Variants in SERPINE2 observed in about 807,000 individuals in gnomAD.
The protein encoded by SERPINE2 is serpin family E member 2.
Under a neutral mutation model 36.3 loss-of-function variants are expected in SERPINE2, and 14 were observed. The observed-to-expected ratio is 0.39, with a 90% confidence interval of 0.25 to 0.60. The LOEUF (loss-of-function observed/expected upper bound fraction) is 0.60. Ranked by LOEUF, SERPINE2 falls within the 20% of genes least tolerant of loss-of-function variation. The pLI is 0.57. For missense variants in SERPINE2, 418 were observed against 499.6 expected, an observed-to-expected ratio of 0.84 and a Z score of 1.56; for synonymous variants, 192 against 191.8, an observed-to-expected ratio of 1.00 and a Z score of -0.01.
intron 1 of SERPINE2, among the ~76,000 whole-genome samples, chr2:224,005,239 A>G (rs1691380307): frequency 6.6e-6 from 1 of 151,688 alleles, no homozygotes; most frequent in Non-Finnish European, 1.5e-5. Context: ...TTTTCGCTAA[A>G]AGAACAGTTT....
At chr2:223,982,305 T>C (rs1690252339) in intron 6 of SERPINE2, 1 of 161,292 alleles carries the variant, frequency 6.2e-6, no homozygotes, top group South Asian at 1.7e-4. Flanking sequence ...TATAATGGAT[T>C]ATGGAGACTC....
At chr2:224,020,178 T>C (rs149262522) in intron 1 of SERPINE2, among the ~76,000 whole-genome samples, 26 of 152,296 alleles carry the variant, frequency 1.7e-4, no homozygotes, top group African/African-American at 5.8e-4. Context: ...AAATCCCTAG[T>C]AATATTTATG....
intron 2 of SERPINE2, among the ~76,000 whole-genome samples, chr2:224,001,379 G>C (rs1014641886): frequency 6.6e-6 from 1 of 152,210 alleles, no homozygotes; most frequent in Non-Finnish European, 1.5e-5. Flanking sequence ...TGGAACGAGG[G>C]CTGGAGCCCT....
At chr2:224,000,696 C>G (rs1171905103) in intron 2 of SERPINE2, among the ~76,000 whole-genome samples, 1 of 152,072 alleles carries the variant, frequency 6.6e-6, no homozygotes, top group Non-Finnish European at 1.5e-5. Flanking sequence ...TGCCTTCCAC[C>G]CCTCGACAGG....
In SERPINE2 at chr2:224,031,310, C is replaced by T. The variant is rs115509060; in HGVS notation, c.-23+7789G>A. 6.4e-4 allele frequency: 633 copies of T among 985,432 alleles called. 2 individuals are homozygous for T. Among genetic ancestry groups the T allele is most frequent in the African/African-American group, 4.3e-3 (248 of 57,350 alleles). The allele number at this position is 985,432 out of a possible 1,614,324, so 61.0% of individuals were successfully genotyped here. On this transcript the variant is annotated intron_variant, in intron 1 of 8. Transcript: ENST00000409304. ...GACCCTTTATCTCTGCCACACCCTT[C>T]CTTCCCAACTACATGAGTGGGAATG...
chr2:224,005,054 T>TATTA (rs1463665813), intron 1 of SERPINE2, among the ~76,000 whole-genome samples: 1 of 25,848 alleles, frequency 3.9e-5, no homozygotes, highest in Non-Finnish European at 8.8e-5. Context: ...ATTTTATATA[T>TATTA]TTTATATATA....
chr2:224,026,884 T>A (rs1167231296), intron 1 of SERPINE2, among the ~76,000 whole-genome samples: 3 of 152,198 alleles, frequency 2.0e-5, no homozygotes, highest in Non-Finnish European at 4.4e-5. Context: ...CTCTCCTCTG[T>A]GAAGGAGTTA....
At chr2:223,998,370 A>G (rs1170168306) in intron 2 of SERPINE2, 28 bp from the exon 3 acceptor site, 4 of 1,540,958 alleles carry the variant, frequency 2.6e-6, no homozygotes, top group South Asian at 1.1e-5. Context: ...AGATACAGCA[A>G]TACTTCCATA....
At chr2:224,034,554 G>A (rs1397932062) in intron 1 of SERPINE2, among the ~76,000 whole-genome samples, 1 of 152,184 alleles carries the variant, frequency 6.6e-6, no homozygotes, top group South Asian at 2.1e-4. Context: ...AGCCCATGGA[G>A]CACTGTGGAA....
In SERPINE2 at chr2:224,011,335, G is replaced by A. The variant is rs1043719561; in HGVS notation, c.-22-9413C>T. Among the ~76,000 whole-genome samples, 5 of 152,148 alleles carry A rather than the reference G, an allele frequency of 3.3e-5. 1 individual carries two copies. The South Asian group carries it at 8.3e-4, about 25-fold the overall frequency. ...AAGAGACATGGAAGTACCTTTTTTA[G>A]ACATAAAAAATATTACACATAGTTC... On this transcript the variant is annotated intron_variant, in intron 1 of 8. Transcript: ENST00000409304.
intron 4 of SERPINE2, 70 bp from the exon 5 acceptor site, chr2:223,985,020 C>T: frequency 7.2e-7 from 1 of 1,391,210 alleles, no homozygotes; most frequent in Middle Eastern, 1.8e-4. Flanking sequence ...GCTTGCTGGT[C>T]ACCGGGATAG....
chr2:224,003,049 C>T (rs1037594562), intron 1 of SERPINE2, among the ~76,000 whole-genome samples: 10 of 151,720 alleles, frequency 6.6e-5, no homozygotes, highest in Admixed American at 1.3e-4. Context: ...CGGCAGGGTG[C>T]GGGGGGTGGT....
chr2:224,011,709 T>C (rs1691628037), intron 1 of SERPINE2, among the ~76,000 whole-genome samples: 1 of 152,234 alleles, frequency 6.6e-6, no homozygotes, highest in African/African-American at 2.4e-5. Context: ...ATCTTAATAA[T>C]GTATCTATCT....
chr2:224,017,955 C>A (rs1691854391), intron 1 of SERPINE2, among the ~76,000 whole-genome samples: 1 of 152,218 alleles, frequency 6.6e-6, no homozygotes, highest in African/African-American at 2.4e-5. Flanking sequence ...ATGTTTAAAG[C>A]TGCCTTTAAG....
chr2:224,004,024 C>A (rs1445831835), intron 1 of SERPINE2, among the ~76,000 whole-genome samples: 3 of 152,222 alleles, frequency 2.0e-5, no homozygotes, highest in Non-Finnish European at 2.9e-5. Flanking sequence ...ACTTTCTGTG[C>A]TTCCCACCCT....
chr2:224,017,516 T>G (rs1691839093), intron 1 of SERPINE2, among the ~76,000 whole-genome samples: 1 of 152,200 alleles, frequency 6.6e-6, no homozygotes, highest in Admixed American at 6.5e-5. Context: ...ATTATTTGAC[T>G]TATAACAGTA....
intron 1 of SERPINE2, among the ~76,000 whole-genome samples, chr2:224,002,921 C>T (rs569397544): frequency 3.3e-5 from 5 of 152,198 alleles, no homozygotes; most frequent in East Asian, 1.9e-4. Context: ...GACTCTCACC[C>T]GCACTGAGCT....
At chr2:224,022,241 A>T (rs956869461) in intron 1 of SERPINE2, among the ~76,000 whole-genome samples, 1 of 147,460 alleles carries the variant, frequency 6.8e-6, no homozygotes, top group Non-Finnish European at 1.5e-5. Flanking sequence ...CTGAGGTGGG[A>T]GAATCACTTG....
At chr2:224,005,074 TATATATATATATATATATATATAA>T (rs1691361546) in intron 1 of SERPINE2, among the ~76,000 whole-genome samples, 3 of 66,468 alleles carry the variant, frequency 4.5e-5, no homozygotes, top group South Asian at 1.2e-3. Flanking sequence ...ATTATATATA[TATATATATATATATATATATATAA>T]AACATTGTAA....
Sources: gnomAD v4.1 joint callset for allele counts (sites outside exome capture counted in the v4.1 genomes callset) on GRCh38, gnomAD v4.1.1 for gene constraint, MANE v1.5 for transcripts, NCBI Gene and HGNC (gene_info 2026-07-23, HGNC 2026-07-21) for gene names.